Variants in PLCH1 observed in about 807,000 individuals in gnomAD.
PLCH1 encodes the protein phospholipase C eta 1.
PLCH1 carries 60 observed loss-of-function variants against 126.7 expected under a neutral mutation model. The ratio of observed to expected loss-of-function variants is 0.47; its 90% CI spans 0.38 to 0.59. PLCH1 has a LOEUF of 0.59. Ranked by LOEUF, PLCH1 falls within the 20% of genes least tolerant of loss-of-function variation. PLCH1 has a pLI of 0.00. For missense variants in PLCH1, 1,723 were observed against 2,040.0 expected, an observed-to-expected ratio of 0.84 and a Z score of 2.99; for synonymous variants, 719 against 734.9, an observed-to-expected ratio of 0.98 and a Z score of 0.35.
intron 13 of PLCH1, 40 bp from the exon 14 acceptor site, chr3:155,500,834 A>G (rs1717786004): frequency 7.8e-7 from 1 of 1,276,462 alleles, no homozygotes; most frequent in Non-Finnish European, 1.1e-6. Context: ...AACTCATTGT[A>G]TCAAGTATAT....
intron 1 of PLCH1, among the ~76,000 whole-genome samples, chr3:155,723,112 G>A (rs1482576277): frequency 6.6e-6 from 1 of 152,154 alleles, no homozygotes; most frequent in Non-Finnish European, 1.5e-5. Flanking sequence ...TGCACATAAA[G>A]GTGTTCATAG....
At chr3:155,668,497 G>A (rs770581748) in intron 2 of PLCH1, among the ~76,000 whole-genome samples, 15 of 152,180 alleles carry the variant, frequency 9.9e-5, no homozygotes, top group Non-Finnish European at 1.8e-4. Context: ...AAAATAAGAC[G>A]AATTGAGAAA....
At chr3:155,563,405 T>C (rs894973692) in intron 8 of PLCH1, among the ~76,000 whole-genome samples, 2 of 152,212 alleles carry the variant, frequency 1.3e-5, no homozygotes, top group Admixed American at 6.5e-5. Context: ...AGATTCCCTA[T>C]AGTATGGAGT....
chr3:155,722,486 G>A (rs1748027971), intron 1 of PLCH1, among the ~76,000 whole-genome samples: 1 of 152,132 alleles, frequency 6.6e-6, no homozygotes, highest in Non-Finnish European at 1.5e-5. Context: ...TTACCTTAAT[G>A]TATGTCCCTT....
At chr3:155,521,789 T>C (rs528355653) in intron 11 of PLCH1, among the ~76,000 whole-genome samples, 1 of 152,276 alleles carries the variant, frequency 6.6e-6, no homozygotes, top group Non-Finnish European at 1.5e-5. Context: ...CAATTTGAAA[T>C]ATTTCTCCAA....
rs1458261014 is a variant in PLCH1, at chr3:155,482,333, C to T, written c.3693G>A (p.Lys1231=). Residue 1231 remains lysine (K), a synonymous_variant, in exon 23 of 23, where the codon AAG becomes AAA. Transcript: ENST00000460012. ...LPSLGLKMPI[K]HGFCKGKSKS... is the part of the protein sequence containing the mutation. ...TGGATTTTCCCTTGCAAAAACCATGCTTGATGGGCATTTTTAGGCCCAGGC... is the reference window on the plus strand; with the variant it reads ...TGGATTTTCCCTTGCAAAAACCATGTTTGATGGGCATTTTTAGGCCCAGGC... 4.3e-6 allele frequency: 7 copies of T among 1,613,994 alleles called. No homozygotes were observed. The highest frequency in any genetic ancestry group is 5.9e-6 in the Non-Finnish European group (7 of 1,180,022).
At chr3:155,729,539 C>T (rs946431789) in intron 1 of PLCH1, among the ~76,000 whole-genome samples, 1 of 152,104 alleles carries the variant, frequency 6.6e-6, no homozygotes, top group African/African-American at 2.4e-5. Context: ...ACAGTAGATG[C>T]TCAAATCTCT....
chr3:155,473,595 C>G (rs1713384067), intron 21 of PLCH1, among the ~76,000 whole-genome samples: 1 of 151,530 alleles, frequency 6.6e-6, no homozygotes, highest in South Asian at 2.1e-4. Context: ...CATATGGAAC[C>G]AAAAAAGAGC....
At chr3:155,732,691 A>T (rs997584074) in intron 1 of PLCH1, among the ~76,000 whole-genome samples, 1 of 151,964 alleles carries the variant, frequency 6.6e-6, no homozygotes, top group African/African-American at 2.4e-5. Context: ...CAGCCTAGCC[A>T]AAGTAATGAA....
intron 1 of PLCH1, among the ~76,000 whole-genome samples, chr3:155,727,504 C>T (rs1455457348): frequency 6.6e-6 from 1 of 151,872 alleles, no homozygotes; most frequent in Admixed American, 6.6e-5. Flanking sequence ...TCTCCTGCCT[C>T]AGCCTCCTGC....
chr3:155,622,844 G>A (rs1429669131), intron 2 of PLCH1, among the ~76,000 whole-genome samples: 1 of 152,110 alleles, frequency 6.6e-6, no homozygotes, highest in African/African-American at 2.4e-5. Context: ...GTCAATATTA[G>A]ACAGATCAAT....
At chr3:155,675,097 TTA>T (rs1257028994) in intron 2 of PLCH1, among the ~76,000 whole-genome samples, 9 of 152,138 alleles carry the variant, frequency 5.9e-5, no homozygotes, top group Admixed American at 1.3e-4. Flanking sequence ...ATGGTACAAT[TTA>T]TGTTTTGAAT....
intron 15 of PLCH1, among the ~76,000 whole-genome samples, chr3:155,496,141 T>C (rs190841541): frequency 8.5e-5 from 13 of 152,312 alleles, no homozygotes; most frequent in African/African-American, 2.9e-4. Flanking sequence ...GCATTCATTA[T>C]CTAGTTTTCA....
chr3:155,587,723 C>T (rs904366243), intron 4 of PLCH1, among the ~76,000 whole-genome samples: 1 of 152,186 alleles, frequency 6.6e-6, no homozygotes, highest in African/African-American at 2.4e-5. Flanking sequence ...AAAAGATCCT[C>T]AGTGGGAGGA....
intron 11 of PLCH1, among the ~76,000 whole-genome samples, chr3:155,519,837 C>T (rs1213942629): frequency 1.3e-5 from 2 of 151,338 alleles, no homozygotes; most frequent in Non-Finnish European, 2.9e-5. Flanking sequence ...CAACATCCCC[C>T]CAATTTTTTT....
intron 2 of PLCH1, among the ~76,000 whole-genome samples, chr3:155,605,560 A>G (rs1734250359): frequency 6.6e-6 from 1 of 152,226 alleles, no homozygotes. Flanking sequence ...TAATGTCATC[A>G]TTAGCCTTAA....
intron 2 of PLCH1, among the ~76,000 whole-genome samples, chr3:155,631,529 G>A (rs1738020628): frequency 1.3e-5 from 2 of 152,152 alleles, no homozygotes; most frequent in Admixed American, 1.3e-4. Flanking sequence ...TATCCTGTAA[G>A]GCTGCTTCCC....
At chr3:155,612,908 TAAAAA>T (rs59489759) in intron 2 of PLCH1, among the ~76,000 whole-genome samples, 4 of 94,640 alleles carry the variant, frequency 4.2e-5, no homozygotes, top group Non-Finnish European at 7.5e-5. Flanking sequence ...AACTGTGTAT[TAAAAA>T]AAAAAAAAAA....
At chr3:155,618,402 G>A (rs1013154788) in intron 2 of PLCH1, among the ~76,000 whole-genome samples, 15 of 152,076 alleles carry the variant, frequency 9.9e-5, no homozygotes, top group African/African-American at 3.6e-4. Flanking sequence ...TTACGATACA[G>A]GCAAGAAGAA....
Sources: allele counts gnomAD v4.1 joint callset (sites outside exome capture counted in the v4.1 genomes callset), GRCh38; gene constraint gnomAD v4.1.1; transcripts MANE v1.5; gene names NCBI Gene and HGNC (gene_info 2026-07-23, HGNC 2026-07-21).